The following ELP2 variants were observed in gnomAD, a reference collection of about 807,000 sequenced individuals.
The protein encoded by ELP2 is elongator complex protein 2.
ELP2 carries 90 observed loss-of-function variants against 119.2 expected under a neutral mutation model. The ratio of observed to expected loss-of-function variants is 0.75; its 90% CI spans 0.64 to 0.90. ELP2 has a LOEUF of 0.90. Among genes scored for constraint, ELP2 ranks in the 40% least tolerant of loss-of-function variants. The pLI, the probability that ELP2 is intolerant of heterozygous loss-of-function variation, is 0.00. For missense variants in ELP2, 921 were observed against 967.8 expected, an observed-to-expected ratio of 0.95 and a Z score of 0.64; for synonymous variants, 339 against 331.0, an observed-to-expected ratio of 1.02 and a Z score of -0.26.
At position 36,154,986 on chromosome 18, in the gene ELP2, A is replaced by T. The variant is rs147525600; in HGVS notation, c.1262A>T (p.Lys421Ile). The T allele has an allele frequency of 1.4e-5, 23 of 1,613,170 alleles. No homozygotes were observed. The African/African-American group carries it at 2.8e-4, about 20-fold the overall frequency. ...AGACTTTTTGCTCCATGGAAGAGAAAAGACCAATCACAGGTAAAATGTCTT... is the reference window on the plus strand; with the variant it reads ...AGACTTTTTGCTCCATGGAAGAGAATAGACCAATCACAGGTAAAATGTCTT... Reference protein sequence around the residue: ...TTRLFAPWKRKDQSQVTWHEI... With the variant: ...TTRLFAPWKRIDQSQVTWHEI... The change falls in exon 12 of 22, where the codon AAA (lysine) becomes ATA (isoleucine). Residue 421 changes from lysine to isoleucine, a missense_variant. Coordinates refer to ENST00000358232, the MANE Select transcript of ELP2 (RefSeq NM_018255.4).
Position 36,174,789 on chromosome 18 carries a change from C to T in ELP2, c.*148C>T. 3 of 706,714 alleles carry T rather than the reference C, an allele frequency of 4.2e-6. No homozygotes were observed. The highest frequency in any genetic ancestry group is 7.1e-6 in the Non-Finnish European group (3 of 424,584). 43.8% of individuals were successfully genotyped at this position (706,714 alleles called of 1,614,324 possible). On this transcript the variant is annotated 3_prime_UTR_variant, in exon 22 of 22. Transcript: ENST00000358232. The stretch of plus-strand genomic sequence containing the variant: ...TTGCTTTGTCACAACCTCCACCTCC[C>T]AGGTTCAAGCGATTCTCTTTCTTCA...
chr18:36,162,351 C>G (rs1240346130), intron 17 of ELP2, among the ~76,000 whole-genome samples: 2 of 151,994 alleles, frequency 1.3e-5, no homozygotes, highest in Non-Finnish European at 2.9e-5. Flanking sequence ...TTCTTTCTTT[C>G]ATCATAATTG....
At chr18:36,150,632 G>A (rs2090366260) in intron 11 of ELP2, among the ~76,000 whole-genome samples, 1 of 152,204 alleles carries the variant, frequency 6.6e-6, no homozygotes, top group African/African-American at 2.4e-5. Flanking sequence ...GTGATGAAGT[G>A]GAGAATTTAT....
At chr18:36,150,385 A>G (rs2090357382) in intron 11 of ELP2, among the ~76,000 whole-genome samples, 1 of 152,178 alleles carries the variant, frequency 6.6e-6, no homozygotes, top group Admixed American at 6.5e-5. Flanking sequence ...AGTATAAAGC[A>G]TTTCCGTTTT....
Position 36,175,270 on chromosome 18 carries a change from G to T in ELP2, c.*629G>T, listed in dbSNP as rs2091198488. The T allele has an allele frequency of 6.6e-6, 1 of 152,334 alleles. No homozygotes were observed. Among genetic ancestry groups the T allele is most frequent in the South Asian group, 2.1e-4 (1 of 4,822 alleles). 9.4% of individuals were successfully genotyped at this position (152,334 alleles called of 1,614,324 possible). On this transcript the variant is annotated 3_prime_UTR_variant, in exon 22 of 22. Transcript: ENST00000358232. The stretch of plus-strand genomic sequence containing the variant: ...TCTTTGGGACATTTCCTTATTTATT[G>T]CCCTCTTCAGAGAGTAGATGTAGAA...
intron 16 of ELP2, among the ~76,000 whole-genome samples, chr18:36,160,606 T>C (rs1041108015): frequency 3.3e-5 from 5 of 151,536 alleles, no homozygotes; most frequent in Admixed American, 2.0e-4. Flanking sequence ...TTAAGTTTTG[T>C]TGTTAGTCAT....
At chr18:36,154,797 T>G in intron 11 of ELP2, 53 bp from the exon 12 acceptor site, 1 of 1,608,070 alleles carries the variant, frequency 6.2e-7, no homozygotes, top group Non-Finnish European at 8.5e-7. Context: ...GTGCTTTACT[T>G]TGGTGGTAGT....
At chr18:36,156,735 T>C in intron 13 of ELP2, 81 bp downstream of exon 13, 1 of 1,227,122 alleles carries the variant, frequency 8.1e-7, no homozygotes. Flanking sequence ...AGGCTTTAAA[T>C]GGAATATATG....
intron 21 of ELP2, among the ~76,000 whole-genome samples, chr18:36,172,019 C>T (rs562956478): frequency 1.3e-5 from 2 of 152,116 alleles, no homozygotes; most frequent in Admixed American, 6.5e-5. Context: ...TGTGCCTGGC[C>T]CACATTTTAT....
chr18:36,154,986 A>C lies in ELP2; in HGVS notation c.1262A>C (p.Lys421Thr). 6.2e-7 allele frequency: 1 copy of C among 1,613,170 alleles called. No homozygotes were observed. Among genetic ancestry groups the C allele is most frequent in the Non-Finnish European group, 8.5e-7 (1 of 1,179,116 alleles). ...TTRLFAPWKR[K>T]DQSQVTWHEI... ...AGACTTTTTGCTCCATGGAAGAGAA[A>C]AGACCAATCACAGGTAAAATGTCTT... The change falls in exon 12 of 22, where the codon AAA (lysine) becomes ACA (threonine). Residue 421 changes from lysine (K) to threonine (T), a missense_variant. By Grantham distance (78) the Lys-to-Thr change is moderately conservative. Coordinates refer to ENST00000358232, the MANE Select transcript of ELP2 (RefSeq NM_018255.4).
At position 36,141,761 on chromosome 18, in the gene ELP2, C is replaced by T. The variant is rs115886161; in HGVS notation, c.589-520C>T. 4.8e-3 allele frequency among the ~76,000 whole-genome samples: 710 copies of T among 148,882 alleles called. 2 individuals are homozygous for T. The highest frequency in any genetic ancestry group is 0.017 in the African/African-American group (675 of 40,298). On this transcript the variant is annotated intron_variant, in intron 6 of 21. Coordinates refer to ENST00000358232, the MANE Select transcript of ELP2 (RefSeq NM_018255.4). ...AGGCTGGTGCAGTGGTGAGAACATG[C>T]GTCACTGTAGTCTTGACTTCCTGGG... is the stretch of plus-strand genomic sequence containing the variant.
In ELP2 at chr18:36,144,093, T is replaced by C. The variant is rs2090125328; in HGVS notation, c.797-846T>C. On this transcript the variant is annotated intron_variant, in intron 8 of 21. Transcript: ENST00000358232. ...GTTCAGTGAACATTGTTCACCTAGG[T>C]GTATTCTGTTTTTTGTTACTATTCT... Among the ~76,000 whole-genome samples, 4 of 152,176 alleles carry C rather than the reference T, an allele frequency of 2.6e-5. No homozygotes were observed. The South Asian group carries it at 6.2e-4, about 24-fold the overall frequency.
chr18:36,129,964 G>C lies in ELP2; in HGVS notation c.31G>C (p.Val11Leu). 3 of 1,614,224 alleles carry C rather than the reference G, an allele frequency of 1.9e-6. No individual in the cohort carries two copies. The highest frequency in any genetic ancestry group is 2.5e-6 in the Non-Finnish European group (3 of 1,180,038). Residue 11 changes from valine to leucine, a missense_variant, in exon 1 of 22, where the codon GTG (valine) becomes CTG (leucine). Physicochemically the swap from Val to Leu is conservative, Grantham distance 32. Transcript: ENST00000358232. MVAPVLETSH[V>L]FCCPNRVRGV... ...GGCACCCGTGCTGGAGACTTCTCAC[G>C]TGTTTTGCTGCCCAAACCGGGTGCG... is the stretch of plus-strand genomic sequence containing the variant.
chr18:36,135,401 TA>T (rs990957388), intron 2 of ELP2, among the ~76,000 whole-genome samples: 1 of 152,188 alleles, frequency 6.6e-6, no homozygotes, highest in Non-Finnish European at 1.5e-5. Flanking sequence ...TATAGTTAGT[TA>T]AGTGGCTCAA....
chr18:36,146,141 C>G, intron 10 of ELP2, 93 bp downstream of exon 10: 1 of 1,570,822 alleles, frequency 6.4e-7, no homozygotes. Context: ...CAAATTTTCA[C>G]TGTGTACATT....
chr18:36,148,755 G>C (rs2090294402), intron 11 of ELP2, among the ~76,000 whole-genome samples: 1 of 152,146 alleles, frequency 6.6e-6, no homozygotes, highest in Admixed American at 6.5e-5. Context: ...AGGCGCCTGT[G>C]GTCGCAGCTA....
chr18:36,164,648 T>C lies in ELP2; in HGVS notation c.1935T>C (p.Asp645=). The change falls in exon 18 of 22, where the codon GAT becomes GAC. Residue 645 remains aspartate, a synonymous_variant. Coordinates refer to ENST00000358232, the MANE Select transcript of ELP2 (RefSeq NM_018255.4). ...DRTWSLWKKQ[D]TISPEFEPVF... ...CCTGGTCATTGTGGAAAAAGCAGGA[T>C]ACAATCTCACCTGAGTTCGGTAAAA... 6.2e-7 allele frequency: 1 copy of C among 1,614,108 alleles called. No homozygotes were observed. Among genetic ancestry groups the C allele is most frequent in the Non-Finnish European group, 8.5e-7 (1 of 1,179,978 alleles).
rs370583526 is a variant in ELP2 at position 36,138,761 on chromosome 18, T to G, written c.446-34T>G. 18 of 1,529,200 alleles carry G rather than the reference T, an allele frequency of 1.2e-5. No individual in the cohort carries two copies. The African/African-American group carries it at 2.0e-4, about 17-fold the overall frequency. 94.7% of individuals were successfully genotyped at this position (1,529,200 alleles called of 1,614,324 possible). ...TCTAGTTGGATAAGCTCTGAGGTAG[T>G]TAGTTGTTCATTGTGTTTTTTATTA... is the stretch of plus-strand genomic sequence containing the variant. On this transcript the variant is annotated intron_variant, in intron 4 of 21. Coordinates refer to ENST00000358232, the MANE Select transcript of ELP2 (RefSeq NM_018255.4).
In ELP2 at chr18:36,178,341, G is replaced by A. The variant is rs567508850; in HGVS notation, c.*3700G>A. The A allele has an allele frequency of 2.6e-5, 4 of 152,188 alleles. No individual in the cohort carries two copies. Among genetic ancestry groups the A allele is most frequent in the Admixed American group, 2.0e-4 (3 of 15,270 alleles). 9.4% of individuals were successfully genotyped at this position (152,188 alleles called of 1,614,324 possible). A position where few individuals can be genotyped will look rare whatever the true frequency, so the allele number is the denominator to read the frequency against. On this transcript the variant is annotated 3_prime_UTR_variant, in exon 22 of 22. Transcript: ENST00000358232. ...GAAAACAGGTAAGTGGTTACCAGGG[G>A]CTGGGAATGGGGAGAGGAGTGACTA...
Sources: gnomAD v4.1 joint callset for allele counts (sites outside exome capture counted in the v4.1 genomes callset) on GRCh38, gnomAD v4.1.1 for gene constraint, MANE v1.5 for transcripts, NCBI Gene and HGNC (gene_info 2026-07-23, HGNC 2026-07-21) for gene names.